NR5A2: variants seen among roughly 807,000 people sequenced by gnomAD.
NR5A2 encodes the protein nuclear receptor subfamily 5 group A member 2.
In NR5A2, 26 loss-of-function variants were observed where a neutral mutation model predicts 62.7. The observed-to-expected ratio is 0.41, with a 90% CI of 0.30 to 0.58. The LOEUF (loss-of-function observed/expected upper bound fraction) is 0.58, where lower values mean the gene tolerates loss of function less well. Among genes scored for constraint, NR5A2 ranks in the 20% least tolerant of loss-of-function variants. NR5A2 has a pLI of 0.22. For missense variants in NR5A2, 541 were observed against 669.1 expected, an observed-to-expected ratio of 0.81 and a Z score of 2.11; for synonymous variants, 246 against 241.7, an observed-to-expected ratio of 1.02 and a Z score of -0.16.
intron 5 of NR5A2, chr1:200,057,397 T>C: frequency 5.1e-6 from 1 of 197,694 alleles, no homozygotes; most frequent in Non-Finnish European, 1.0e-5. Flanking sequence ...TATAACATGT[T>C]CTCTGTGGAG....
At chr1:200,154,848 C>T (rs1006365082) in intron 7 of NR5A2, among the ~76,000 whole-genome samples, 1 of 152,218 alleles carries the variant, frequency 6.6e-6, no homozygotes, top group Non-Finnish European at 1.5e-5. Context: ...CTACCCACGT[C>T]TTCTCTTCTG....
chr1:200,051,864 A>G (rs1662649104), intron 5 of NR5A2, among the ~76,000 whole-genome samples: 1 of 152,138 alleles, frequency 6.6e-6, no homozygotes, highest in African/African-American at 2.4e-5. Context: ...ATCATGACCC[A>G]CAGTAGGAAA....
chr1:200,173,935 GCTTTT>G (rs771173433), intron 7 of NR5A2, 23 bp from the exon 8 acceptor site: 16 of 1,072,870 alleles, frequency 1.5e-5, no homozygotes, highest in Non-Finnish European at 1.5e-5. Flanking sequence ...TTGAAATGTT[GCTTTT>G]TTTTTTTTTT....
rs1654317670 is a variant in NR5A2, at chr1:200,174,195, T to G, written c.1611T>G (p.His537Gln). 2 of 1,598,594 alleles carry G rather than the reference T, an allele frequency of 1.3e-6. No individual in the cohort carries two copies. The highest frequency in any genetic ancestry group is 1.3e-5 in the African/African-American group (1 of 74,306). The change falls in exon 8 of 8, where the codon CAT becomes CAG. Residue 537 changes from histidine (H) to glutamine (Q), a missense_variant. His to Gln is a conservative substitution (Grantham distance 24). Coordinates refer to ENST00000367362, the MANE Select transcript of NR5A2 (RefSeq NM_205860.3). ...PYNNLLIEML[H>Q]AKRA ...ATAACCTTCTCATTGAAATGTTGCATGCCAAAAGAGCATAAGTTACAACCC... is the reference window on the plus strand; with the variant it reads ...ATAACCTTCTCATTGAAATGTTGCAGGCCAAAAGAGCATAAGTTACAACCC...
At chr1:200,135,532 A>AAAG (rs200025911) in intron 7 of NR5A2, among the ~76,000 whole-genome samples, 3,911 of 138,566 alleles carry the variant, frequency 0.028, 110 homozygotes, top group African/African-American at 0.079. Flanking sequence ...AAAAAAAAAA[A>AAAG]AAGAAGAAGA....
In NR5A2 at chr1:200,176,283, GT is replaced by G. The variant is rs1654415449; in HGVS notation, c.*2074del. 6.6e-6 allele frequency: 1 copy of G among 152,580 alleles called. No individual in the cohort carries two copies. The highest frequency in any genetic ancestry group is 1.9e-4 in the East Asian group (1 of 5,204). 9.5% of individuals were successfully genotyped at this position (152,580 alleles called of 1,614,324 possible). ...AAGATATTAGTTATTACTTCTGTGT[GT>G]ACAAAGAGGATTATTTTATTATGTT... On this transcript the variant is annotated 3_prime_UTR_variant, in exon 8 of 8. Coordinates refer to ENST00000367362, the MANE Select transcript of NR5A2 (RefSeq NM_205860.3).
At chr1:200,066,586 A>ATTTTTTTT (rs1663480896) in intron 5 of NR5A2, among the ~76,000 whole-genome samples, 1 of 87,770 alleles carries the variant, frequency 1.1e-5, no homozygotes, top group African/African-American at 7.6e-5. Context: ...TTAATTAATT[A>ATTTTTTTT]TCTTTTTTTT....
In NR5A2 at chr1:200,048,321, TC is replaced by T; in HGVS notation, c.614del (p.Ser205LeufsTer3). The T allele has an allele frequency of 6.2e-7, 1 of 1,614,162 alleles. No individual in the cohort carries two copies. The highest frequency in any genetic ancestry group is 8.5e-7 in the Non-Finnish European group (1 of 1,180,042). Reference protein sequence around the residue: ...AMSQVIQAMPSDLTISSAIQN... With the variant: ...AMSQVIQAMPXDLTISSAIQN... ...GTCTCAGGTGATCCAAGCTATGCCC[TC>T]TGACCTGACCATTTCCTCTGCAATT... On this transcript the variant is annotated frameshift_variant, in exon 5 of 8. Coordinates refer to ENST00000367362, the MANE Select transcript of NR5A2 (RefSeq NM_205860.3). LOFTEE classifies it high-confidence loss of function. The surrounding 1 kb of genome is among the most constrained non-coding windows in gnomAD (Gnocchi z 4.8).
At chr1:200,167,854 C>T (rs1653978321) in intron 7 of NR5A2, among the ~76,000 whole-genome samples, 1 of 152,206 alleles carries the variant, frequency 6.6e-6, no homozygotes, top group Non-Finnish European at 1.5e-5. Flanking sequence ...CTCATTCTAA[C>T]TCATCTTTCA....
intron 5 of NR5A2, among the ~76,000 whole-genome samples, chr1:200,072,515 T>C (rs942411423): frequency 6.6e-6 from 1 of 152,148 alleles, no homozygotes; most frequent in Non-Finnish European, 1.5e-5. Context: ...GAAAACACCG[T>C]TGTATACCCC....
Position 200,039,064 on chromosome 1 carries a change from G to C in NR5A2, c.65-594G>C, listed in dbSNP as rs1428852347. The stretch of plus-strand genomic sequence containing the variant: ...CTCGGGGCTGGGAAGGGCCGTTCTC[G>C]GTCCCGCGCGGGGAGTGGACCAGGC... On this transcript the variant is annotated intron_variant, in intron 1 of 7. Coordinates refer to ENST00000367362, the MANE Select transcript of NR5A2 (RefSeq NM_205860.3). This position sits in a 1 kb window ranked among gnomAD's most constrained non-coding sequence, Gnocchi z 5.1. Among the ~76,000 whole-genome samples, 2 of 152,100 alleles carry C rather than the reference G, an allele frequency of 1.3e-5. No individual in the cohort carries two copies. Among genetic ancestry groups the C allele is most frequent in the South Asian group, 2.1e-4 (1 of 4,810 alleles).
At chr1:200,094,371 G>A (rs1375950347) in intron 5 of NR5A2, among the ~76,000 whole-genome samples, 6 of 151,336 alleles carry the variant, frequency 4.0e-5, no homozygotes, top group African/African-American at 1.2e-4. Context: ...TTTTAGTAGA[G>A]ATGGAGTTTC....
chr1:200,028,045 A>G lies in NR5A2; in HGVS notation c.64+134A>G, dbSNP rs1661408370. Reference sequence around the variant, plus strand: ...TTTATTAAAAGCACACAATAAGCCTATGTATATATATCACACATTTATCTT... The same window carrying G: ...TTTATTAAAAGCACACAATAAGCCTGTGTATATATATCACACATTTATCTT... On this transcript the variant is annotated intron_variant, in intron 1 of 7. Transcript: ENST00000367362. The G allele has an allele frequency of 5.7e-6, 3 of 522,378 alleles. No homozygotes were observed. The South Asian group carries it at 1.2e-4, about 20-fold the overall frequency. The allele number at this position is 522,378 out of a possible 1,614,324, so 32.4% of individuals were successfully genotyped here.
At chr1:200,125,092 A>G (rs1389527432) in intron 7 of NR5A2, among the ~76,000 whole-genome samples, 2 of 152,182 alleles carry the variant, frequency 1.3e-5, no homozygotes, top group Non-Finnish European at 2.9e-5. Context: ...TATTTCTGTT[A>G]TCAGTTTGCA....
Position 200,048,893 on chromosome 1 carries a change from T to C in NR5A2, c.1110+75T>C, listed in dbSNP as rs1662508484. Reference sequence around the variant, plus strand: ...AACTATGTTCCTAATTAATACATTCTTGGTGCTGAAAATATGTGTTCCTTA... The same window carrying C: ...AACTATGTTCCTAATTAATACATTCCTGGTGCTGAAAATATGTGTTCCTTA... On this transcript the variant is annotated intron_variant, in intron 5 of 7. Transcript: ENST00000367362. This position sits in a 1 kb window ranked among gnomAD's most constrained non-coding sequence, Gnocchi z 4.8. The C allele has an allele frequency of 3.3e-6, 5 of 1,514,884 alleles. No individual in the cohort carries two copies. In the African/African-American group the frequency reaches 6.9e-5, roughly 21 times the overall value. The allele number at this position is 1,514,884 out of a possible 1,614,324, so 93.8% of individuals were successfully genotyped here.
intron 5 of NR5A2, among the ~76,000 whole-genome samples, chr1:200,105,747 T>C (rs1665620967): frequency 6.6e-6 from 1 of 151,582 alleles, no homozygotes; most frequent in African/African-American, 2.4e-5. Context: ...AGTCTAGGAG[T>C]TCAAAACCAG....
chr1:200,091,133 C>T (rs1439595017), intron 5 of NR5A2, among the ~76,000 whole-genome samples: 3 of 152,134 alleles, frequency 2.0e-5, no homozygotes, highest in Non-Finnish European at 2.9e-5. Context: ...ATTGCTTTAA[C>T]GTGCAGCAAC....
intron 1 of NR5A2, among the ~76,000 whole-genome samples, chr1:200,033,629 A>G (rs1400817874): frequency 2.0e-5 from 3 of 152,188 alleles, no homozygotes; most frequent in Non-Finnish European, 1.5e-5. Flanking sequence ...CCTGGAATCA[A>G]CTTCCCAGTT....
At chr1:200,087,556 G>A (rs1664611364) in intron 5 of NR5A2, among the ~76,000 whole-genome samples, 2 of 146,626 alleles carry the variant, frequency 1.4e-5, no homozygotes, top group South Asian at 4.4e-4. Flanking sequence ...CACCACACCT[G>A]GCTAATTTTT....
Sources: gnomAD v4.1 joint callset for allele counts (sites outside exome capture counted in the v4.1 genomes callset) on GRCh38, gnomAD v4.1.1 for gene constraint, Gnocchi (gnomAD v3.1) non-coding constraint, MANE v1.5 for transcripts, NCBI Gene and HGNC (gene_info 2026-07-23, HGNC 2026-07-21) for gene names.